TPX2: variants seen among roughly 807,000 people sequenced by gnomAD.
TPX2 encodes targeting protein for Xklp2.
Under a neutral mutation model 93.6 loss-of-function variants are expected in TPX2, and 21 were observed. That is an observed-to-expected ratio of 0.22 (90% confidence interval 0.16 to 0.32). The LOEUF is 0.32. TPX2 is among the 10% of genes least tolerant of loss of function. The pLI is 1.00. For synonymous variants in TPX2, 281 were observed against 298.3 expected (o/e 0.94, Z 0.60); for missense variants, 776 against 871.1 (o/e 0.89, Z 1.37).
chr20:31,762,583 C>G (rs952093769), intron 4 of TPX2, among the ~76,000 whole-genome samples: 118 of 152,192 alleles, frequency 7.8e-4, no homozygotes, highest in African/African-American at 2.7e-3. Flanking sequence ...CTCCTGACTT[C>G]AAGTGATCCT....
Position 31,755,505 on chromosome 20 carries a change from C to T in TPX2, c.-70-1902C>T, listed in dbSNP as rs190953028. On this transcript the variant is annotated intron_variant, in intron 2 of 17. Transcript: ENST00000300403. ...GGATAAAAACAAATGGCTGGCCGGG[C>T]GCGGTGGCTCACACTTGGGAGGCCG... 2.2e-4 allele frequency among the ~76,000 whole-genome samples: 34 copies of T among 151,628 alleles called. No homozygotes were observed. The East Asian group carries it at 6.5e-3, about 29-fold the overall frequency.
At chr20:31,782,228 A>G in intron 10 of TPX2, 21 bp from the exon 11 acceptor site, 2 of 1,593,934 alleles carry the variant, frequency 1.3e-6, no homozygotes, top group East Asian at 2.3e-5. Context: ...CTAGATGAAC[A>G]TCTGTCATCT....
At chr20:31,776,050 G>GGTTTTTTTTTTT (rs2061995504) in intron 8 of TPX2, 62 bp downstream of exon 8, 1 of 325,920 alleles carries the variant, frequency 3.1e-6, no homozygotes, top group African/African-American at 2.9e-5. Context: ...CTTGGTAGGT[G>GGTTTTTTTTTTT]TTTTTTTTTT....
At chr20:31,798,825 A>G (rs1568613693) in intron 17 of TPX2, among the ~76,000 whole-genome samples, 2 of 152,364 alleles carry the variant, frequency 1.3e-5, no homozygotes, top group South Asian at 4.1e-4. Flanking sequence ...TTCATGAGAC[A>G]TAAGACAGTT....
intron 2 of TPX2, among the ~76,000 whole-genome samples, chr20:31,754,051 C>T (rs1299259999): frequency 1.3e-5 from 2 of 151,842 alleles, no homozygotes; most frequent in African/African-American, 4.8e-5. Flanking sequence ...AAAACAACAA[C>T]AATAACAGAT....
intron 12 of TPX2, among the ~76,000 whole-genome samples, chr20:31,788,817 C>T (rs1440171932): frequency 1.3e-5 from 2 of 152,108 alleles, no homozygotes. Flanking sequence ...TCAGTGAGAC[C>T]AGTGAGTAAT....
At chr20:31,771,492 T>G in intron 6 of TPX2, 68 bp from the exon 7 acceptor site, 1 of 1,547,080 alleles carries the variant, frequency 6.5e-7, no homozygotes, top group Non-Finnish European at 8.7e-7. Flanking sequence ...TGCAGTAGAT[T>G]TGGGGAGGAG....
chr20:31,750,014 T>C (rs1188759539), intron 2 of TPX2, among the ~76,000 whole-genome samples: 1 of 152,076 alleles, frequency 6.6e-6, no homozygotes. Context: ...CTTGGCTCAC[T>C]GGAACCTCCT....
Position 31,801,087 on chromosome 20 carries a change from C to T in TPX2, c.*7C>T, listed in dbSNP as rs369479404. On this transcript the variant is annotated 3_prime_UTR_variant, in exon 18 of 18. Coordinates refer to ENST00000300403, the MANE Select transcript of TPX2 (RefSeq NM_012112.5). ...CACTCGATTCCACTGCTAAACTCAG[C>T]TGTGAGCTGCGGATACCGCCCGGCA... The T allele has an allele frequency of 1.4e-5, 23 of 1,613,222 alleles. No homozygotes were observed. In the African/African-American group the frequency reaches 3.1e-4, roughly 22 times the overall value.
Position 31,770,472 on chromosome 20 carries a change from G to A in TPX2, c.485+1G>A. On this transcript the variant is annotated splice_donor_variant, in intron 6 of 17. Coordinates refer to ENST00000300403, the MANE Select transcript of TPX2 (RefSeq NM_012112.5). LOFTEE classifies it high-confidence loss of function. Reference sequence around the variant, plus strand: ...TTCTACCCTCTAAGAAAATGAAAGTGTGAGTAGCCACAACTTCTTACTGCC... The same window carrying A: ...TTCTACCCTCTAAGAAAATGAAAGTATGAGTAGCCACAACTTCTTACTGCC... 6.4e-7 allele frequency: 1 copy of A among 1,574,238 alleles called. No individual in the cohort carries two copies. Among genetic ancestry groups the A allele is most frequent in the Non-Finnish European group, 8.6e-7 (1 of 1,162,112 alleles).
rs558266668 is a variant in TPX2 at position 31,769,566 on chromosome 20, C to T, written c.357-777C>T. Among the ~76,000 whole-genome samples the T allele has an allele frequency of 1.6e-4, 24 of 152,116 alleles. No homozygotes were observed. The East Asian group carries it at 2.3e-3, about 15-fold the overall frequency. On this transcript the variant is annotated intron_variant, in intron 5 of 17. Coordinates refer to ENST00000300403, the MANE Select transcript of TPX2 (RefSeq NM_012112.5). ...GTCTCGATCTCCTGACCTGGTGATCCGCCTGCCTCGGCCTCCCAAAGTGCT... is the reference window on the plus strand; with the variant it reads ...GTCTCGATCTCCTGACCTGGTGATCTGCCTGCCTCGGCCTCCCAAAGTGCT...
At chr20:31,749,169 A>G (rs1030575704) in intron 2 of TPX2, among the ~76,000 whole-genome samples, 2 of 151,814 alleles carry the variant, frequency 1.3e-5, no homozygotes, top group African/African-American at 4.8e-5. Flanking sequence ...GATGGTCTCA[A>G]TCTCTTGACC....
intron 12 of TPX2, among the ~76,000 whole-genome samples, chr20:31,792,126 C>T (rs1442722724): frequency 6.6e-6 from 1 of 152,162 alleles, no homozygotes; most frequent in Non-Finnish European, 1.5e-5. Context: ...CAGTGGTTCA[C>T]GTCCGTAATC....
At chr20:31,755,073 T>C (rs1320015291) in intron 2 of TPX2, among the ~76,000 whole-genome samples, 6 of 152,090 alleles carry the variant, frequency 3.9e-5, no homozygotes, top group Non-Finnish European at 5.9e-5. Flanking sequence ...CTCAGCCTCC[T>C]GAGTAGCTGG....
intron 2 of TPX2, among the ~76,000 whole-genome samples, chr20:31,756,986 CTTAAAGATAATTTTTATTTTT>C: frequency 6.6e-6 from 1 of 151,952 alleles, no homozygotes; most frequent in East Asian, 1.9e-4. Flanking sequence ...TTGCTGATTA[CTTAAAGATAATTTTTATTTTT>C]TTAGAGATAG....
At chr20:31,780,491 T>C (rs938511729) in intron 10 of TPX2, among the ~76,000 whole-genome samples, 1 of 152,230 alleles carries the variant, frequency 6.6e-6, no homozygotes, top group African/African-American at 2.4e-5. Flanking sequence ...TCAAATAATA[T>C]ATGACTCAGA....
At chr20:31,747,460 G>A (rs75769386) in intron 2 of TPX2, among the ~76,000 whole-genome samples, 76 of 145,208 alleles carry the variant, frequency 5.2e-4, no homozygotes, top group Middle Eastern at 3.8e-3. Context: ...CTGTCTGTCT[G>A]TCTATCTATC....
chr20:31,785,558 C>T (rs923811462), intron 12 of TPX2, among the ~76,000 whole-genome samples: 8 of 150,904 alleles, frequency 5.3e-5, no homozygotes, highest in Non-Finnish European at 7.4e-5. Context: ...AGTGCAATGG[C>T]GTGATCTCGG....
intron 17 of TPX2, among the ~76,000 whole-genome samples, chr20:31,800,641 T>C (rs1381417227): frequency 6.6e-6 from 1 of 152,224 alleles, no homozygotes; most frequent in Admixed American, 6.5e-5. Flanking sequence ...TCTGCTATAC[T>C]TGAGTACAGC....
Sources: gnomAD v4.1 joint callset for allele counts (sites outside exome capture counted in the v4.1 genomes callset) on GRCh38, gnomAD v4.1.1 for gene constraint, MANE v1.5 for transcripts, NCBI Gene and HGNC (gene_info 2026-07-23, HGNC 2026-07-21) for gene names.